BLNK: variants seen among roughly 807,000 people sequenced by gnomAD.
BLNK encodes B-cell linker protein.
In BLNK, 29 loss-of-function variants were observed where a neutral mutation model predicts 73.5. The ratio of observed to expected loss-of-function variants is 0.39; its 90% CI spans 0.29 to 0.54. The LOEUF is 0.54. Among genes scored for constraint, BLNK ranks in the 20% least tolerant of loss-of-function variants. The pLI is 0.61. For synonymous variants in BLNK, 176 were observed against 200.8 expected, an observed-to-expected ratio of 0.88 and a Z score of 1.04; for missense variants, 460 against 562.8, an observed-to-expected ratio of 0.82 and a Z score of 1.85.
At chr10:96,214,129 T>C (rs2084008121) in intron 8 of BLNK, among the ~76,000 whole-genome samples, 1 of 152,108 alleles carries the variant, frequency 6.6e-6, no homozygotes, top group South Asian at 2.1e-4. Flanking sequence ...AGAGAGTGTG[T>C]GTGTATGAAT....
chr10:96,192,674 T>G (rs1424097507), intron 16 of BLNK, among the ~76,000 whole-genome samples: 4 of 152,190 alleles, frequency 2.6e-5, no homozygotes, highest in African/African-American at 9.6e-5. Flanking sequence ...CTAGGCTCTC[T>G]CCATACATAC....
At chr10:96,220,246 T>C (rs1473972198) in intron 6 of BLNK, among the ~76,000 whole-genome samples, 1 of 152,182 alleles carries the variant, frequency 6.6e-6, no homozygotes, top group Non-Finnish European at 1.5e-5. Flanking sequence ...TCTATTAAAC[T>C]TTCTGCTCCT....
At chr10:96,253,401 G>A (rs1554909797) in intron 1 of BLNK, among the ~76,000 whole-genome samples, 1 of 152,212 alleles carries the variant, frequency 6.6e-6, no homozygotes, top group Non-Finnish European at 1.5e-5. Context: ...AAGGCTGTGT[G>A]AGAATAAGTG....
chr10:96,238,385 A>G (rs111726477), intron 3 of BLNK, among the ~76,000 whole-genome samples: 3 of 152,232 alleles, frequency 2.0e-5, no homozygotes, highest in African/African-American at 7.2e-5. Context: ...GAAAGAGGAC[A>G]TAAATCCAAT....
rs1203463146 is a variant in BLNK at position 96,215,329 on chromosome 10, G to A, written c.668C>T (p.Thr223Ile). 1 of 1,614,028 alleles carries A rather than the reference G, an allele frequency of 6.2e-7. No homozygotes were observed. Among genetic ancestry groups the A allele is most frequent in the Middle Eastern group, 1.7e-4 (1 of 6,058 alleles). The change falls in exon 8 of 17, where the codon ACA becomes ATA. Residue 223 changes from threonine (T) to isoleucine (I), a missense_variant. By Grantham distance (89) the Thr-to-Ile change is moderately conservative. Transcript: ENST00000224337. ...TCACACATACACTTTACCTGAAGCT[G>A]TTCCTGGAGGAGAGGCGGGCGTTGA... The part of the protein sequence containing the change: ...NSSTPASPPG[T>I]ASGRNSGAWE...
At chr10:96,209,184 A>G (rs587667647) in intron 9 of BLNK, among the ~76,000 whole-genome samples, 4 of 152,328 alleles carry the variant, frequency 2.6e-5, no homozygotes, top group Non-Finnish European at 5.9e-5. Flanking sequence ...TGACCAGCAC[A>G]TAGTATATAT....
chr10:96,200,727 T>C lies in BLNK; in HGVS notation c.1011+255A>G, dbSNP rs1390789976. Among the ~76,000 whole-genome samples, 4 of 152,202 alleles carry C rather than the reference T, an allele frequency of 2.6e-5. No homozygotes were observed. The highest frequency in any genetic ancestry group is 5.9e-5 in the Non-Finnish European group (4 of 68,034). On this transcript the variant is annotated intron_variant, in intron 14 of 16. Coordinates refer to ENST00000224337, the MANE Select transcript of BLNK (RefSeq NM_013314.4). This position sits in a 1 kb window ranked among gnomAD's most constrained non-coding sequence, Gnocchi z 4.3. ...GAAATTACAAAGTTTAAATAAAATC[T>C]ATGTGAGAGGAAGAATAATGAAAAC... is the stretch of plus-strand genomic sequence containing the variant.
At chr10:96,204,772 G>T in intron 11 of BLNK, 156 bp from the exon 12 acceptor site, 2 of 673,072 alleles carry the variant, frequency 3.0e-6, no homozygotes, top group South Asian at 3.2e-5. Flanking sequence ...GCACTTGCCA[G>T]TCTGTTGATG....
At chr10:96,192,583 A>C (rs1229364525) in intron 16 of BLNK, among the ~76,000 whole-genome samples, 11 of 152,150 alleles carry the variant, frequency 7.2e-5, no homozygotes, top group African/African-American at 2.7e-4. Flanking sequence ...AAAGCTTTAT[A>C]AACCTTCATA....
chr10:96,204,459 G>A, intron 12 of BLNK, 73 bp downstream of exon 12: 1 of 1,445,532 alleles, frequency 6.9e-7, no homozygotes, highest in East Asian at 2.3e-5. Flanking sequence ...GTGTCACTGT[G>A]CAGTGAAACA....
Position 96,200,294 on chromosome 10 carries a change from AT to A in BLNK, c.1012-137del. 1 of 637,500 alleles carries A rather than the reference AT, an allele frequency of 1.6e-6. No individual in the cohort carries two copies. The highest frequency in any genetic ancestry group is 2.8e-6 in the Non-Finnish European group (1 of 359,836). 39.5% of individuals were successfully genotyped at this position (637,500 alleles called of 1,614,324 possible). A position where few individuals can be genotyped will look rare whatever the true frequency, so the allele number is the denominator to read the frequency against. ...CACCAATAATTTTAAGATGAGTTTT[AT>A]TTTTCCTTTGATCAAACACAAGGAT... On this transcript the variant is annotated intron_variant, in intron 14 of 16. Transcript: ENST00000224337. The surrounding 1 kb of genome is among the most constrained non-coding windows in gnomAD (Gnocchi z 4.3).
chr10:96,263,622 G>A (rs1011239485), intron 1 of BLNK, among the ~76,000 whole-genome samples: 3 of 152,240 alleles, frequency 2.0e-5, no homozygotes, highest in South Asian at 4.1e-4. Flanking sequence ...TTTCAGAAGG[G>A]AGGTGAAGGC....
chr10:96,254,075 G>C (rs546854293), intron 1 of BLNK, among the ~76,000 whole-genome samples: 2 of 151,712 alleles, frequency 1.3e-5, no homozygotes, highest in East Asian at 3.9e-4. Flanking sequence ...AAAGGATTAG[G>C]CCAGGTTTAT....
chr10:96,215,160 C>G (rs1428418999), intron 8 of BLNK, among the ~76,000 whole-genome samples, 161 bp downstream of exon 8: 1 of 152,186 alleles, frequency 6.6e-6, no homozygotes, highest in East Asian at 1.9e-4. Flanking sequence ...GAAATGGCCA[C>G]TTCCACACAC....
At chr10:96,201,202 C>T in intron 13 of BLNK, 144 bp from the exon 14 acceptor site, 3 of 719,910 alleles carry the variant, frequency 4.2e-6, no homozygotes, top group Non-Finnish European at 7.2e-6. Flanking sequence ...AAAGTGTGGT[C>T]CAAGGACCCC....
At chr10:96,231,360 T>A (rs868926835) in intron 3 of BLNK, among the ~76,000 whole-genome samples, 27 of 152,332 alleles carry the variant, frequency 1.8e-4, no homozygotes, top group Non-Finnish European at 2.8e-4. Context: ...AATTATCCAA[T>A]GTCTTAGTAT....
intron 5 of BLNK, among the ~76,000 whole-genome samples, chr10:96,224,439 G>A (rs1250652960): frequency 6.6e-6 from 1 of 152,248 alleles, no homozygotes; most frequent in African/African-American, 2.4e-5. Flanking sequence ...TTATGCTAAA[G>A]TGTATCCAGG....
At chr10:96,207,143 C>T (rs782095507) in intron 10 of BLNK, 90 bp from the exon 11 acceptor site, 344 of 1,275,106 alleles carry the variant, frequency 2.7e-4, no homozygotes, top group South Asian at 3.3e-4. Flanking sequence ...AATATTTTGG[C>T]AGCACTTTTC....
At chr10:96,245,430 T>C (rs1253467068) in intron 2 of BLNK, among the ~76,000 whole-genome samples, 2 of 152,196 alleles carry the variant, frequency 1.3e-5, no homozygotes, top group Non-Finnish European at 2.9e-5. Context: ...AGGTCTGCAA[T>C]GAACATTTAT....
Sources: gnomAD v4.1 joint callset for allele counts (sites outside exome capture counted in the v4.1 genomes callset) on GRCh38, gnomAD v4.1.1 for gene constraint, Gnocchi (gnomAD v3.1) non-coding constraint, MANE v1.5 for transcripts, NCBI Gene and HGNC (gene_info 2026-07-23, HGNC 2026-07-21) for gene names.